The following DRICH1 variants were observed in gnomAD, a reference collection of about 807,000 sequenced individuals.
DRICH1 encodes the protein aspartate rich 1, also known as aspartate-rich protein 1.
Under a neutral mutation model 39.5 loss-of-function variants are expected in DRICH1, and 38 were observed. The ratio of observed to expected loss-of-function variants is 0.96; its 90% confidence interval spans 0.74 to 1.26. The LOEUF (loss-of-function observed/expected upper bound fraction) is 1.26, where lower values mean the gene tolerates loss of function less well. Among genes scored for constraint, DRICH1 ranks in the 50% most tolerant of loss-of-function variants. The pLI, the probability that DRICH1 is intolerant of heterozygous loss-of-function variation, is 0.00. For synonymous variants in DRICH1, 84 were observed against 99.5 expected (o/e 0.84, Z 0.93); for missense variants, 279 against 270.4 (o/e 1.03, Z -0.22).
At chr22:23,590,657 G>A in the DRICH1 span, among the ~76,000 whole-genome samples, 1 of 151,924 alleles carries the variant, frequency 6.6e-6, no homozygotes, top group Non-Finnish European at 1.5e-5. Context: ...GGAGTGCAGT[G>A]GCACAATCTC....
chr22:23,615,295 G>C (rs937771137), intron 8 of DRICH1, among the ~76,000 whole-genome samples: 3 of 152,182 alleles, frequency 2.0e-5, no homozygotes, highest in African/African-American at 7.2e-5. Flanking sequence ...AGAATCACTT[G>C]AATCTTGGAG....
At chr22:23,593,865 C>T in the DRICH1 span, among the ~76,000 whole-genome samples, 1 of 151,714 alleles carries the variant, frequency 6.6e-6, no homozygotes, top group Non-Finnish European at 1.5e-5. Flanking sequence ...GTAATCCCAG[C>T]TACTCTGGAG....
chr22:23,628,441 C>T (rs1233655369), intron 1 of DRICH1, among the ~76,000 whole-genome samples: 1 of 152,146 alleles, frequency 6.6e-6, no homozygotes, highest in African/African-American at 2.4e-5. Context: ...GTGGCACATG[C>T]CTGTAATTCC....
chr22:23,613,715 C>T, intron 9 of DRICH1, 55 bp from the exon 10 acceptor site: 1 of 1,319,864 alleles, frequency 7.6e-7, no homozygotes, highest in Non-Finnish European at 1.1e-6. Context: ...GTGCGCTTCA[C>T]ACAGATCTGT....
chr22:23,582,375 G>A, the DRICH1 span, among the ~76,000 whole-genome samples: 1 of 150,282 alleles, frequency 6.7e-6, no homozygotes, highest in Non-Finnish European at 1.5e-5. Flanking sequence ...CTCAAATTCT[G>A]TCCCCATTCA....
chr22:23,619,171 C>CAAAAAAAA (rs5844565), intron 6 of DRICH1, among the ~76,000 whole-genome samples, 193 bp downstream of exon 6: 3 of 84,890 alleles, frequency 3.5e-5, no homozygotes, highest in African/African-American at 4.8e-5. Context: ...GACTCCGTCT[C>CAAAAAAAA]AAAAAAAAAA....
At chr22:23,629,847 A>G (rs1266313107) in intron 1 of DRICH1, among the ~76,000 whole-genome samples, 1 of 152,020 alleles carries the variant, frequency 6.6e-6, no homozygotes, top group Non-Finnish European at 1.5e-5. Context: ...CAAGCTCCTG[A>G]CCTCAGGTGA....
downstream of DRICH1, among the ~76,000 whole-genome samples, chr22:23,605,396 G>T (rs1213220599): frequency 6.6e-6 from 1 of 152,128 alleles, no homozygotes. Flanking sequence ...TCTGGCTGAG[G>T]TCTAGTGACC....
intron 8 of DRICH1, among the ~76,000 whole-genome samples, chr22:23,614,439 C>T (rs999342837): frequency 2.6e-5 from 4 of 152,190 alleles, no homozygotes; most frequent in African/African-American, 7.2e-5. Context: ...GGAAGCAACA[C>T]AAAACAATCA....
chr22:23,631,263 C>G (rs1467868275), intron 1 of DRICH1, among the ~76,000 whole-genome samples: 1 of 151,724 alleles, frequency 6.6e-6, no homozygotes, highest in African/African-American at 2.4e-5. Flanking sequence ...ACTAAAAATA[C>G]AAAAAATTAG....
chr22:23,593,227 A>C, the DRICH1 span, among the ~76,000 whole-genome samples: 1 of 152,220 alleles, frequency 6.6e-6, no homozygotes, highest in Non-Finnish European at 1.5e-5. Flanking sequence ...AACCTCAACA[A>C]AAATTCTAGA....
downstream of DRICH1, among the ~76,000 whole-genome samples, chr22:23,607,734 A>G (rs867087473): frequency 1.3e-5 from 2 of 152,200 alleles, no homozygotes; most frequent in Middle Eastern, 3.4e-3. Flanking sequence ...GGATCAGGAG[A>G]GTGGCTTTCC....
intron 11 of DRICH1, among the ~76,000 whole-genome samples, chr22:23,609,535 G>A (rs12163384): frequency 1.3e-5 from 2 of 152,106 alleles, no homozygotes; most frequent in African/African-American, 4.8e-5. Context: ...CTCCACAGCA[G>A]TCTACAGAGC....
the DRICH1 span, among the ~76,000 whole-genome samples, chr22:23,589,843 C>T: frequency 6.6e-6 from 1 of 152,130 alleles, no homozygotes; most frequent in African/African-American, 2.4e-5. Flanking sequence ...GGGCCATTCA[C>T]GCTCCTGCCT....
intron 2 of DRICH1, among the ~76,000 whole-genome samples, chr22:23,625,727 A>T (rs537716150): frequency 6.6e-6 from 1 of 152,150 alleles, no homozygotes; most frequent in African/African-American, 2.4e-5. Context: ...GATGTGTGAC[A>T]CCCGGGAAGA....
chr22:23,586,625 C>A, the DRICH1 span, among the ~76,000 whole-genome samples: 18 of 152,294 alleles, frequency 1.2e-4, no homozygotes, highest in East Asian at 3.3e-3. Flanking sequence ...CTCACTGCAA[C>A]CTCCTCCTCC....
rs561743230 is a variant in DRICH1 at position 23,621,121 on chromosome 22, A to G, written c.385-506T>C. 2.6e-5 allele frequency among the ~76,000 whole-genome samples: 4 copies of G among 152,270 alleles called. No individual in the cohort carries two copies. In the South Asian group the frequency reaches 8.3e-4, roughly 32 times the overall value. On this transcript the variant is annotated intron_variant, in intron 4 of 11. Transcript: ENST00000317749. ...TATACAGTGGTCCATTTTTAACACAATCTGCCTTGAACTGGTTTAGGTGAG... is the reference window on the plus strand; with the variant it reads ...TATACAGTGGTCCATTTTTAACACAGTCTGCCTTGAACTGGTTTAGGTGAG...
the DRICH1 span, among the ~76,000 whole-genome samples, chr22:23,594,548 A>G: frequency 4.6e-5 from 7 of 152,246 alleles, no homozygotes; most frequent in Non-Finnish European, 7.3e-5. Flanking sequence ...CCAGAGTGAA[A>G]CCACGCCTGG....
the DRICH1 span, chr22:23,583,464 C>T: frequency 6.6e-6 from 1 of 152,218 alleles, no homozygotes; most frequent in South Asian, 2.1e-4. Flanking sequence ...ATCTGCCAGC[C>T]ATGGTTGTGG....
Sources: allele counts gnomAD v4.1 joint callset (sites outside exome capture counted in the v4.1 genomes callset), GRCh38; gene constraint gnomAD v4.1.1; transcripts MANE v1.5; gene names NCBI Gene and HGNC (gene_info 2026-07-23, HGNC 2026-07-21).